ADAMTS3: variants seen among roughly 807,000 people sequenced by gnomAD.
ADAMTS3 encodes the protein ADAM metallopeptidase with thrombospondin type 1 motif 3.
ADAMTS3 carries 73 observed loss-of-function variants against 129.0 expected under a neutral mutation model. The ratio of observed to expected loss-of-function variants is 0.57; its 90% CI spans 0.47 to 0.69. The LOEUF (loss-of-function observed/expected upper bound fraction) is 0.69, where lower values mean the gene tolerates loss of function less well. Among genes scored for constraint, ADAMTS3 ranks in the 30% least tolerant of loss-of-function variants. ADAMTS3 has a pLI of 0.00. For synonymous variants in ADAMTS3, 477 were observed against 510.8 expected, an observed-to-expected ratio of 0.93 and a Z score of 0.89; for missense variants, 1,457 against 1,514.5, an observed-to-expected ratio of 0.96 and a Z score of 0.63.
chr4:72,281,862 T>C lies in ADAMTS3; in HGVS notation c.*1274A>G, dbSNP rs1417459543. ...AATATCTTCAGTTCTGAATTCTATG[T>C]ACAAGTACTTTACATCTACTCCCTG... On this transcript the variant is annotated 3_prime_UTR_variant, in exon 22 of 22. Coordinates refer to ENST00000286657, the MANE Select transcript of ADAMTS3 (RefSeq NM_014243.3). 1 of 152,210 alleles carries C rather than the reference T, an allele frequency of 6.6e-6. No homozygotes were observed. The highest frequency in any genetic ancestry group is 1.5e-5 in the Non-Finnish European group (1 of 68,036). The allele number at this position is 152,210 out of a possible 1,614,324, so 9.4% of individuals were successfully genotyped here. A position where few individuals can be genotyped will look rare whatever the true frequency, so the allele number is the denominator to read the frequency against.
chr4:72,311,273 T>A, intron 13 of ADAMTS3, 92 bp from the exon 14 acceptor site: 1 of 1,140,976 alleles, frequency 8.8e-7, no homozygotes, highest in Non-Finnish European at 1.2e-6. Context: ...AAGGTTTCAC[T>A]GTGATTTCCT....
At position 72,530,396 on chromosome 4, in the gene ADAMTS3, TATATGA is replaced by T. The variant is rs1457192276; in HGVS notation, c.504+18076_504+18081del. ...ATATATAATATATATTAAATTAACATATATGAATTTAATATATAATATATATTAAAT... is the reference window on the plus strand; with the variant it reads ...ATATATAATATATATTAAATTAACATATTTAATATATAATATATATTAAAT... On this transcript the variant is annotated intron_variant, in intron 3 of 21. Transcript: ENST00000286657. 3.6e-5 allele frequency among the ~76,000 whole-genome samples: 3 copies of T among 84,280 alleles called. No individual in the cohort carries two copies. In the East Asian group the frequency reaches 1.1e-3, roughly 30 times the overall value. 55.3% of individuals were successfully genotyped at this position (84,280 alleles called of 152,430 possible). A position where few individuals can be genotyped will look rare whatever the true frequency, so the allele number is the denominator to read the frequency against.
chr4:72,466,358 C>A (rs1306412301), intron 3 of ADAMTS3, among the ~76,000 whole-genome samples: 1 of 151,988 alleles, frequency 6.6e-6, no homozygotes, highest in Non-Finnish European at 1.5e-5. Context: ...TCTTGAATGG[C>A]AAGAAAGACC....
In ADAMTS3 at chr4:72,530,036, A is replaced by ATTATATATATATATAATATGTT. The variant is rs1560553487; in HGVS notation, c.504+18441_504+18442insAACATATTATATATATATATAA. Among the ~76,000 whole-genome samples the ATTATATATATATATAATATGTT allele has an allele frequency of 3.9e-3, 30 of 7,726 alleles. 5 individuals are homozygous for ATTATATATATATATAATATGTT. The highest frequency in any genetic ancestry group is 6.8e-3 in the Non-Finnish European group (28 of 4,120). 5.1% of individuals were successfully genotyped at this position (7,726 alleles called of 152,430 possible). A position where few individuals can be genotyped will look rare whatever the true frequency, so the allele number is the denominator to read the frequency against. The stretch of plus-strand genomic sequence containing the variant: ...ATATATTATATTTATATATAAATAT[A>ATTATATATATATATAATATGTT]ATATATTATATTTATATATAATATG... On this transcript the variant is annotated intron_variant, in intron 3 of 21. Coordinates refer to ENST00000286657, the MANE Select transcript of ADAMTS3 (RefSeq NM_014243.3).
At chr4:72,443,500 A>G (rs1276931288) in intron 3 of ADAMTS3, among the ~76,000 whole-genome samples, 6 of 151,796 alleles carry the variant, frequency 4.0e-5, no homozygotes, top group African/African-American at 1.4e-4. Flanking sequence ...TATTCAGCAC[A>G]TTCCCTAACA....
chr4:72,386,227 C>T (rs943970012), intron 4 of ADAMTS3, among the ~76,000 whole-genome samples: 4 of 152,058 alleles, frequency 2.6e-5, no homozygotes, highest in Non-Finnish European at 5.9e-5. Flanking sequence ...CCAAAATTTT[C>T]TTTCACTTTT....
chr4:72,522,866 C>CT (rs1456977280), intron 3 of ADAMTS3, among the ~76,000 whole-genome samples: 1 of 152,082 alleles, frequency 6.6e-6, no homozygotes, highest in Non-Finnish European at 1.5e-5. Flanking sequence ...AAAGAAATAT[C>CT]TAAGACTGAG....
chr4:72,295,832 C>A, intron 18 of ADAMTS3, 46 bp from the exon 19 acceptor site: 1 of 1,583,530 alleles, frequency 6.3e-7, no homozygotes, highest in Admixed American at 1.8e-5. Context: ...CTTCTTCATG[C>A]TGATAGTTAC....
intron 2 of ADAMTS3, among the ~76,000 whole-genome samples, chr4:72,565,697 C>T (rs1459167126): frequency 6.6e-6 from 1 of 152,136 alleles, no homozygotes; most frequent in Admixed American, 6.5e-5. Flanking sequence ...AAGAGGGCTC[C>T]GCCTCCTCTC....
At chr4:72,445,403 C>A (rs2109964418) in intron 3 of ADAMTS3, among the ~76,000 whole-genome samples, 1 of 151,822 alleles carries the variant, frequency 6.6e-6, no homozygotes, top group Admixed American at 6.6e-5. Flanking sequence ...CCTCAGCCAC[C>A]AATATGTTCA....
At chr4:72,535,048 C>G (rs1721152690) in intron 3 of ADAMTS3, among the ~76,000 whole-genome samples, 1 of 152,156 alleles carries the variant, frequency 6.6e-6, no homozygotes, top group Non-Finnish European at 1.5e-5. Context: ...AAATAGAGAT[C>G]TCATGGTGAC....
intron 3 of ADAMTS3, among the ~76,000 whole-genome samples, chr4:72,542,155 T>C (rs547897814): frequency 1.5e-3 from 190 of 126,488 alleles, no homozygotes; most frequent in African/African-American, 6.0e-3. Flanking sequence ...ACTATTGTTA[T>C]CATTATTTGT....
intron 3 of ADAMTS3, among the ~76,000 whole-genome samples, chr4:72,432,855 T>C (rs143691416): frequency 6.6e-5 from 10 of 152,060 alleles, no homozygotes; most frequent in African/African-American, 1.9e-4. Flanking sequence ...TTTAACATTA[T>C]TCAGAATACT....
At chr4:72,388,323 G>A (rs570649737) in intron 4 of ADAMTS3, among the ~76,000 whole-genome samples, 1 of 152,294 alleles carries the variant, frequency 6.6e-6, no homozygotes, top group South Asian at 2.1e-4. Flanking sequence ...GGCCAGGAGA[G>A]GAACTGGTAC....
intron 3 of ADAMTS3, among the ~76,000 whole-genome samples, chr4:72,442,753 C>T (rs900043485): frequency 6.6e-6 from 1 of 151,790 alleles, no homozygotes; most frequent in Non-Finnish European, 1.5e-5. Flanking sequence ...TGCCAAAGGG[C>T]GCATTACATG....
intron 7 of ADAMTS3, among the ~76,000 whole-genome samples, chr4:72,320,366 C>T (rs1285885301): frequency 1.3e-5 from 2 of 152,156 alleles, no homozygotes; most frequent in Non-Finnish European, 2.9e-5. Context: ...TAAATGTAAG[C>T]TGACTTTGGA....
At chr4:72,321,344 T>G (rs373689056) in intron 6 of ADAMTS3, among the ~76,000 whole-genome samples, 3 of 141,748 alleles carry the variant, frequency 2.1e-5, no homozygotes, top group South Asian at 5.5e-4. Flanking sequence ...GCTTTTTTTT[T>G]GTTTTTTTTT....
chr4:72,452,313 T>C (rs1007661999), intron 3 of ADAMTS3, among the ~76,000 whole-genome samples: 10 of 150,864 alleles, frequency 6.6e-5, no homozygotes, highest in Non-Finnish European at 1.0e-4. Context: ...CATAATATAA[T>C]ATAAAATATA....
intron 3 of ADAMTS3, among the ~76,000 whole-genome samples, chr4:72,543,297 G>C (rs1721383583): frequency 6.6e-6 from 1 of 152,044 alleles, no homozygotes; most frequent in Non-Finnish European, 1.5e-5. Context: ...ATGGGGAACA[G>C]TATGGCAATT....
Sources: gnomAD v4.1 joint callset for allele counts (sites outside exome capture counted in the v4.1 genomes callset) on GRCh38, gnomAD v4.1.1 for gene constraint, MANE v1.5 for transcripts, NCBI Gene and HGNC (gene_info 2026-07-23, HGNC 2026-07-21) for gene names.